TMEM176B: variants seen among roughly 807,000 people sequenced by gnomAD.
The protein encoded by TMEM176B is LR8-like protein.
A neutral mutation model predicts 30.3 loss-of-function variants in TMEM176B; 28 were observed. The ratio of observed to expected loss-of-function variants is 0.92; its 90% CI spans 0.68 to 1.27. The LOEUF is 1.27. Ranked by LOEUF, TMEM176B falls within the 50% of genes most tolerant of loss-of-function variation. The pLI is 0.00. For missense variants in TMEM176B, 349 were observed against 327.4 expected (o/e 1.07, Z -0.51); for synonymous variants, 123 against 130.3 (o/e 0.94, Z 0.38).
chr7:150,793,332 G>T lies in TMEM176B; in HGVS notation c.373-17C>A. 1 of 1,609,998 alleles carries T rather than the reference G, an allele frequency of 6.2e-7. No homozygotes were observed. Among genetic ancestry groups the T allele is most frequent in the Non-Finnish European group, 8.5e-7 (1 of 1,177,172 alleles). ...TATATAGCCCTGGAAGAGAAAGAGG[G>T]TCATGACACACGCTCCTTCAATCGG... On this transcript the variant is annotated splice_polypyrimidine_tract_variant and intron_variant, in intron 4 of 6. Coordinates refer to ENST00000326442, the MANE Select transcript of TMEM176B (RefSeq NM_001101312.2).
At chr7:150,793,389 C>T in intron 4 of TMEM176B, 74 bp from the exon 5 acceptor site, 4 of 1,517,812 alleles carry the variant, frequency 2.6e-6, no homozygotes, top group Non-Finnish European at 2.7e-6. Context: ...GCCTCAAATC[C>T]CTCTCCTCTT....
At position 150,793,343 on chromosome 7, in the gene TMEM176B, C is replaced by T. The variant is rs2072442; in HGVS notation, c.373-28G>A. On this transcript the variant is annotated intron_variant, in intron 4 of 6. Transcript: ENST00000326442. ...GGAAGAGAAAGAGGGTCATGACACA[C>T]GCTCCTTCAATCGGTGGAAGAGTCA... 7.6e-5 allele frequency: 121 copies of T among 1,599,984 alleles called. 2 individuals are homozygous for T. In the African/African-American group the frequency reaches 1.2e-3, roughly 16 times the overall value.
upstream of TMEM176B, chr7:150,800,937 C>T: frequency 3.0e-6 from 3 of 985,740 alleles, no homozygotes; most frequent in Non-Finnish European, 3.6e-6. Flanking sequence ...CCAGGGATGA[C>T]ACTCCAGGAA....
At chr7:150,799,327 T>A (rs1349112661) in intron 1 of TMEM176B, among the ~76,000 whole-genome samples, 1 of 152,276 alleles carries the variant, frequency 6.6e-6, no homozygotes, top group Non-Finnish European at 1.5e-5. Flanking sequence ...GGGCTAGGCA[T>A]CATTACCACA....
chr7:150,798,805 A>G (rs752571501), intron 1 of TMEM176B, among the ~76,000 whole-genome samples: 2 of 151,862 alleles, frequency 1.3e-5, no homozygotes, highest in African/African-American at 2.4e-5. Context: ...TTCACATCCT[A>G]TGTCCTTGTT....
Position 150,793,547 on chromosome 7 carries a change from A to G in TMEM176B, c.369T>C (p.Leu123=). 5.6e-6 allele frequency: 9 copies of G among 1,613,392 alleles called. No individual in the cohort carries two copies. Among genetic ancestry groups the G allele is most frequent in the Non-Finnish European group, 6.8e-6 (8 of 1,179,712 alleles). ...AIVHEKHPGK[L]AGYISSLLTL... is the part of the protein sequence containing the mutation. ...AGAGAGGGTGTCCAAGACTCACAGC[A>G]AGTTTGCCCGGGTGCTTCTCATGGA... Residue 123 remains leucine (L), a synonymous_variant, in exon 4 of 7, where the codon CTT becomes CTC. Coordinates refer to ENST00000326442, the MANE Select transcript of TMEM176B (RefSeq NM_001101312.2).
At chr7:150,800,740 T>TCCCCC (rs1798749401), upstream of TMEM176B, 2 of 39,494 alleles carry the variant, frequency 5.1e-5, no homozygotes, top group African/African-American at 1.0e-4. Context: ...CCGCCTCCCC[T>TCCCCC]CCCCGCCTCC....
At chr7:150,796,656 T>G in intron 1 of TMEM176B, 82 bp from the exon 2 acceptor site, 2 of 1,383,386 alleles carry the variant, frequency 1.4e-6, no homozygotes, top group Non-Finnish European at 2.0e-6. Flanking sequence ...AGGAGAGAAA[T>G]AGTGTCTTTG....
In TMEM176B at chr7:150,796,465, T is replaced by A. The variant is rs150341727; in HGVS notation, c.105A>T (p.Gln35His). Reference protein sequence around the residue: ...VHIHQESALTQLLKAGGSLKK... With the variant: ...VHIHQESALTHLLKAGGSLKK... ...TCAGAGAACCTCCAGCTTTCAGCAG[T>A]TGTGTCAAAGCTGACTCCTGGTGGA... is the stretch of plus-strand genomic sequence containing the variant. The change falls in exon 2 of 7, where the codon CAA (glutamine) becomes CAT (histidine). Residue 35 changes from glutamine (Q) to histidine (H), a missense_variant. Physicochemically the swap from Gln to His is conservative, Grantham distance 24 (BLOSUM62 0). Transcript: ENST00000326442. The A allele has an allele frequency of 1.2e-6, 2 of 1,614,066 alleles. No homozygotes were observed. Among genetic ancestry groups the A allele is most frequent in the Admixed American group, 3.3e-5 (2 of 60,008 alleles).
At chr7:150,797,301 CAT>C (rs1177534021) in intron 1 of TMEM176B, among the ~76,000 whole-genome samples, 1 of 152,098 alleles carries the variant, frequency 6.6e-6, no homozygotes, top group Non-Finnish European at 1.5e-5. Context: ...ATCACACGAT[CAT>C]ATGTTTTTAG....
chr7:150,796,321 C>T (rs914467745), intron 2 of TMEM176B, 45 bp downstream of exon 2: 6 of 1,564,652 alleles, frequency 3.8e-6, no homozygotes, highest in African/African-American at 2.7e-5. Flanking sequence ...TTGACCTCAT[C>T]ACCTCGTTAA....
At chr7:150,792,257 G>A (rs775426978) in intron 5 of TMEM176B, 82 bp from the exon 6 acceptor site, 2 of 1,560,052 alleles carry the variant, frequency 1.3e-6, no homozygotes, top group Non-Finnish European at 1.7e-6. Context: ...CACCCACCCA[G>A]GCACTGACTC....
intron 2 of TMEM176B, 34 bp downstream of exon 2, chr7:150,796,332 C>T (rs754226623): frequency 1.2e-4 from 185 of 1,592,590 alleles, no homozygotes; most frequent in Non-Finnish European, 1.5e-4. Context: ...ACCTCGTTAA[C>T]GTGCCCCCCA....
intron 3 of TMEM176B, 91 bp downstream of exon 3, chr7:150,793,870 G>A (rs1264962909): frequency 2.8e-5 from 34 of 1,205,130 alleles, no homozygotes; most frequent in Non-Finnish European, 3.8e-5. Context: ...GACTTTGGTC[G>A]CTTCCCCAAA....
Position 150,792,164 on chromosome 7 carries a change from T to G in TMEM176B, c.612A>C (p.Thr204=). ...CAGCCAGGAACAGGGCACGGATTGC[T>G]GTGAACAACTTCTGGAGATAAGGGA... ...AYMQMLRKLF[T]AIRALFLAVC... The change falls in exon 6 of 7, where the codon ACA becomes ACC. Residue 204 remains threonine (T), a synonymous_variant. Coordinates refer to ENST00000326442, the MANE Select transcript of TMEM176B (RefSeq NM_001101312.2). 6.2e-7 allele frequency: 1 copy of G among 1,613,634 alleles called. No individual in the cohort carries two copies. The highest frequency in any genetic ancestry group is 1.6e-4 in the Middle Eastern group (1 of 6,062).
Position 150,791,436 on chromosome 7 carries a change from C to A in TMEM176B, c.*95G>T. On this transcript the variant is annotated 3_prime_UTR_variant, in exon 7 of 7. Transcript: ENST00000326442. ...GAAGAAAGGAGGAGGGTCTGGAGAG[C>A]GGCCATAGGGGAGGCAAGTGTGAGG... 1 of 941,450 alleles carries A rather than the reference C, an allele frequency of 1.1e-6. No individual in the cohort carries two copies. Among genetic ancestry groups the A allele is most frequent in the East Asian group, 2.4e-5 (1 of 40,862 alleles). 58.3% of individuals were successfully genotyped at this position (941,450 alleles called of 1,614,324 possible).
chr7:150,792,502 G>T (rs921635335), intron 5 of TMEM176B, among the ~76,000 whole-genome samples: 5 of 152,176 alleles, frequency 3.3e-5, no homozygotes, highest in African/African-American at 1.2e-4. Context: ...CTCCTGAAAT[G>T]CTTGCAACTA....
chr7:150,793,347 C>T, intron 4 of TMEM176B, 32 bp from the exon 5 acceptor site: 1 of 1,594,790 alleles, frequency 6.3e-7, no homozygotes, highest in Non-Finnish European at 8.6e-7. Context: ...GACACACGCT[C>T]CTTCAATCGG....
chr7:150,800,950 G>C, upstream of TMEM176B: 1 of 985,950 alleles, frequency 1.0e-6, no homozygotes, highest in Non-Finnish European at 1.2e-6. Context: ...TCCAGGAAGG[G>C]GACTGCAGAG....
Sources: allele counts gnomAD v4.1 joint callset (sites outside exome capture counted in the v4.1 genomes callset), GRCh38; gene constraint gnomAD v4.1.1; transcripts MANE v1.5; gene names NCBI Gene and HGNC (gene_info 2026-07-23, HGNC 2026-07-21).